The following CIP2A variants were observed in gnomAD, a reference collection of about 807,000 sequenced individuals.
CIP2A encodes the protein cellular inhibitor of PP2A.
CIP2A carries 103 observed loss-of-function variants against 110.9 expected under a neutral mutation model. The ratio of observed to expected loss-of-function variants is 0.93; its 90% CI spans 0.79 to 1.09. The LOEUF (loss-of-function observed/expected upper bound fraction) is 1.09. CIP2A is among the 50% of genes least tolerant of loss of function. The probability of loss-of-function intolerance (pLI) is 0.00; values close to 1 mark genes in which losing one functional copy is unlikely to be tolerated. For synonymous variants in CIP2A, 381 were observed against 361.6 expected, an observed-to-expected ratio of 1.05 and a Z score of -0.61; for missense variants, 1,088 against 1,038.4, an observed-to-expected ratio of 1.05 and a Z score of -0.66.
intron 9 of CIP2A, 38 bp from the exon 10 acceptor site, chr3:108,568,352 A>T (rs751572956): frequency 6.4e-7 from 1 of 1,574,084 alleles, no homozygotes; most frequent in Non-Finnish European, 8.7e-7. Flanking sequence ...AAAAGCAAAG[A>T]TGGAATATAC....
intron 3 of CIP2A, among the ~76,000 whole-genome samples, chr3:108,582,722 G>A (rs1165274424): frequency 1.3e-5 from 2 of 152,172 alleles, no homozygotes; most frequent in Non-Finnish European, 2.9e-5. Context: ...ACAGACATCT[G>A]TGTTTATAAG....
At chr3:108,567,080 C>T (rs781496020) in intron 10 of CIP2A, among the ~76,000 whole-genome samples, 46 of 151,836 alleles carry the variant, frequency 3.0e-4, no homozygotes, top group Non-Finnish European at 5.5e-4. Context: ...TGTATCCCTA[C>T]TGCAGTGGTT....
chr3:108,568,427 T>C (rs923143579), intron 9 of CIP2A, 113 bp from the exon 10 acceptor site: 5 of 787,696 alleles, frequency 6.3e-6, no homozygotes, highest in Non-Finnish European at 9.9e-6. Flanking sequence ...TCCTTCAATA[T>C]GCCATTGACC....
chr3:108,574,201 A>G (rs1938490065), intron 8 of CIP2A, among the ~76,000 whole-genome samples: 1 of 152,184 alleles, frequency 6.6e-6, no homozygotes, highest in Non-Finnish European at 1.5e-5. Flanking sequence ...AATGAGCAAG[A>G]GACATAAACA....
intron 9 of CIP2A, 92 bp from the exon 10 acceptor site, chr3:108,568,406 T>A: frequency 1.0e-6 from 1 of 1,002,534 alleles, no homozygotes; most frequent in South Asian, 1.8e-5. Context: ...TCTCTTTAAA[T>A]TTTTTATATT....
In CIP2A at chr3:108,575,768, GTATA is replaced by G. The variant is rs201366387; in HGVS notation, c.894+499_894+502del. Among the ~76,000 whole-genome samples, 2 of 46,702 alleles carry G rather than the reference GTATA, an allele frequency of 4.3e-5. 1 individual carries two copies. Among genetic ancestry groups the G allele is most frequent in the African/African-American group, 1.4e-4 (2 of 14,386 alleles). The allele number at this position is 46,702 out of a possible 152,430, so 30.6% of individuals were successfully genotyped here. On this transcript the variant is annotated intron_variant, in intron 8 of 20. Coordinates refer to ENST00000295746, the MANE Select transcript of CIP2A (RefSeq NM_020890.3). ...CTCATATACATGTGTATATATACGT[GTATA>G]TATACTCATATACATGTGTATATAT...
chr3:108,550,955 G>T lies in CIP2A; in HGVS notation c.*194C>A, dbSNP rs568763431. On this transcript the variant is annotated 3_prime_UTR_variant, in exon 21 of 21. Transcript: ENST00000295746. ...AAGCCATAAAAGCCAGAAACAAAAA[G>T]TAAAACTTAGAAAATTAAATTTCTA... The T allele has an allele frequency of 1.5e-4, 53 of 348,724 alleles. No individual in the cohort carries two copies. The highest frequency in any genetic ancestry group is 9.3e-4 in the African/African-American group (44 of 47,364). 21.6% of individuals were successfully genotyped at this position (348,724 alleles called of 1,614,324 possible).
At chr3:108,569,658 T>A (rs1938317102) in intron 8 of CIP2A, 51 bp from the exon 9 acceptor site, 1 of 1,355,840 alleles carries the variant, frequency 7.4e-7, no homozygotes, top group Non-Finnish European at 1.0e-6. Flanking sequence ...AACTTTAATA[T>A]ACAAAGCAAG....
intron 12 of CIP2A, 60 bp from the exon 13 acceptor site, chr3:108,563,304 T>C (rs187609271): frequency 2.9e-5 from 28 of 959,196 alleles, no homozygotes; most frequent in African/African-American, 2.6e-4. Context: ...TCAGCTCTTT[T>C]AGATAGGAGG....
At chr3:108,558,794 G>C (rs1008785005) in intron 16 of CIP2A, among the ~76,000 whole-genome samples, 1 of 152,116 alleles carries the variant, frequency 6.6e-6, no homozygotes, top group East Asian at 1.9e-4. Flanking sequence ...GGAAATACGA[G>C]AATATGTCAA....
At chr3:108,557,954 C>T (rs1937866715) in intron 16 of CIP2A, among the ~76,000 whole-genome samples, 1 of 152,102 alleles carries the variant, frequency 6.6e-6, no homozygotes, top group South Asian at 2.1e-4. Context: ...TTCCCCCCAG[C>T]CCTTTGGATT....
chr3:108,588,356 T>C (rs1225745282), intron 1 of CIP2A, among the ~76,000 whole-genome samples: 1 of 152,166 alleles, frequency 6.6e-6, no homozygotes, highest in Admixed American at 6.5e-5. Flanking sequence ...GGAGCACCAG[T>C]GAAGCTCAAG....
At chr3:108,566,339 T>C (rs1048786825) in intron 11 of CIP2A, among the ~76,000 whole-genome samples, 158 bp downstream of exon 11, 2 of 151,752 alleles carry the variant, frequency 1.3e-5, no homozygotes, top group Non-Finnish European at 3.0e-5. Context: ...AATCTACAAA[T>C]TGAATGAATT....
chr3:108,568,084 A>G, intron 10 of CIP2A, 71 bp downstream of exon 10: 1 of 1,104,806 alleles, frequency 9.1e-7, no homozygotes, highest in Non-Finnish European at 1.3e-6. Context: ...GACAAAATGC[A>G]GTGAATGCAA....
In CIP2A at chr3:108,552,240, G is replaced by A; in HGVS notation, c.2541C>T (p.Ser847=). ...SRTEQIRKEL[S]IKASSLEVQK... ...AAATGGAACAGATTCTTACCTTAAT[G>A]CTCAACTCTTTTCTTATCTGTTCTG... The change falls in exon 20 of 21, where the codon AGC becomes AGT. Residue 847 remains serine, a synonymous_variant. Transcript: ENST00000295746. The A allele has an allele frequency of 6.4e-7, 1 of 1,556,790 alleles. No individual in the cohort carries two copies. Among genetic ancestry groups the A allele is most frequent in the South Asian group, 1.2e-5 (1 of 80,540 alleles).
intron 18 of CIP2A, among the ~76,000 whole-genome samples, 179 bp from the exon 19 acceptor site, chr3:108,553,909 A>AAAAAAAAAAAAAAAAAAAAAAAAAAAAC (rs1937691812): frequency 7.5e-6 from 1 of 132,538 alleles, no homozygotes; most frequent in Non-Finnish European, 1.7e-5. Context: ...AAAAAAAAAA[A>AAAAAAAAAAAAAAAAAAAAAAAAAAAAC]AAAAAAAAAA....
chr3:108,583,735 T>C (rs1938961348), intron 2 of CIP2A, among the ~76,000 whole-genome samples: 1 of 152,226 alleles, frequency 6.6e-6, no homozygotes, highest in Admixed American at 6.5e-5. Context: ...TAGTTAACAA[T>C]GTATTGTATA....
chr3:108,558,049 A>ATTTT (rs921916943), intron 16 of CIP2A, among the ~76,000 whole-genome samples: 22 of 152,218 alleles, frequency 1.4e-4, no homozygotes, highest in African/African-American at 5.3e-4. Flanking sequence ...ATTTAGTGCT[A>ATTTT]TTTTTATAAG....
chr3:108,583,220 AC>A, intron 2 of CIP2A, 137 bp from the exon 3 acceptor site: 1 of 440,336 alleles, frequency 2.3e-6, no homozygotes, highest in Non-Finnish European at 4.0e-6. Context: ...CTTTATGATA[AC>A]CCTCCAATTC....
Sources: gnomAD v4.1 joint callset for allele counts (sites outside exome capture counted in the v4.1 genomes callset) on GRCh38, gnomAD v4.1.1 for gene constraint, MANE v1.5 for transcripts, NCBI Gene and HGNC (gene_info 2026-07-23, HGNC 2026-07-21) for gene names.